CACNA2D4: variants seen among roughly 807,000 people sequenced by gnomAD.
CACNA2D4 encodes voltage-dependent calcium channel subunit alpha-2/delta-4.
In CACNA2D4, 157 loss-of-function variants were observed where a neutral mutation model predicts 163.8. The observed-to-expected ratio is 0.96, with a 90% CI of 0.84 to 1.09. CACNA2D4 has a LOEUF of 1.09. CACNA2D4 is among the 50% of genes least tolerant of loss of function. CACNA2D4 has a pLI of 0.00. For synonymous variants in CACNA2D4, 598 were observed against 586.9 expected, an observed-to-expected ratio of 1.02 and a Z score of -0.27; for missense variants, 1,410 against 1,479.9, an observed-to-expected ratio of 0.95 and a Z score of 0.78.
chr12:1,897,584 C>T (rs1388767375), intron 6 of CACNA2D4, among the ~76,000 whole-genome samples: 1 of 152,106 alleles, frequency 6.6e-6, no homozygotes, highest in Non-Finnish European at 1.5e-5. Flanking sequence ...ATATGCTTAA[C>T]TTGCTAACTA....
Position 1,882,915 on chromosome 12 carries a change from G to A in CACNA2D4, c.1437C>T (p.Ile479=), listed in dbSNP as rs753329230. ...TCCAGATGATGTCGTGGTCGTGGTT[G>A]ATGACCATGGGGCGGCTGAGCACGT... The part of the protein sequence containing the change: ...YLHVLSRPMV[I]NHDHDIIWTE... The change falls in exon 13 of 38, where the codon ATC becomes ATT. Residue 479 remains isoleucine (I), a synonymous_variant. Coordinates refer to ENST00000382722, the MANE Select transcript of CACNA2D4 (RefSeq NM_172364.5). The A allele has an allele frequency of 6.2e-6, 10 of 1,613,764 alleles. No individual in the cohort carries two copies. The highest frequency in any genetic ancestry group is 4.0e-5 in the African/African-American group (3 of 75,050).
At chr12:1,911,359 A>T (rs1476490169) in intron 3 of CACNA2D4, among the ~76,000 whole-genome samples, 11 of 152,020 alleles carry the variant, frequency 7.2e-5, no homozygotes, top group African/African-American at 2.4e-4. Flanking sequence ...AGCATCGCAG[A>T]GTGTCAGGGG....
Position 1,793,541 on chromosome 12 carries a change from G to A in CACNA2D4, c.*114C>T, listed in dbSNP as rs1863032365. 3 of 849,616 alleles carry A rather than the reference G, an allele frequency of 3.5e-6. No homozygotes were observed. The highest frequency in any genetic ancestry group is 2.0e-5 in the Admixed American group (1 of 50,176). 52.6% of individuals were successfully genotyped at this position (849,616 alleles called of 1,614,324 possible). Reference sequence around the variant, plus strand: ...GGCCACCAGCCCAGGATTGAGAGGAGCGTTGGCCTGGGGGCGACCCAACTG... The same window carrying A: ...GGCCACCAGCCCAGGATTGAGAGGAACGTTGGCCTGGGGGCGACCCAACTG... On this transcript the variant is annotated 3_prime_UTR_variant, in exon 38 of 38. Transcript: ENST00000382722.
At chr12:1,847,652 C>T (rs564971026) in intron 23 of CACNA2D4, among the ~76,000 whole-genome samples, 171 of 152,216 alleles carry the variant, frequency 1.1e-3, no homozygotes, top group Non-Finnish European at 1.9e-3. Context: ...GCCTAAGCTC[C>T]CCTAAAGCTT....
chr12:1,855,950 C>T (rs1353891888), intron 22 of CACNA2D4, 62 bp downstream of exon 22: 12 of 1,329,676 alleles, frequency 9.0e-6, no homozygotes, highest in Non-Finnish European at 1.3e-5. Context: ...CCTCTCCTGG[C>T]AAAGTCCTGA....
rs146752598 is a variant in CACNA2D4 at position 1,840,774 on chromosome 12, G to T, written c.2516C>A (p.Ala839Glu). The T allele has an allele frequency of 6.2e-7, 1 of 1,613,888 alleles. No homozygotes were observed. Among genetic ancestry groups the T allele is most frequent in the Non-Finnish European group, 8.5e-7 (1 of 1,179,876 alleles). The stretch of plus-strand genomic sequence containing the variant: ...GGCTGTCCTCTTGTCCACGGTCACC[G>T]CCACAGCTGTGCTTGCCGTCACCAC... ...PMVVTASTAV[A>E]VTVDKRTAIA... The change falls in exon 26 of 38, where the codon GCG (alanine) becomes GAG (glutamate). Residue 839 changes from alanine to glutamate, a missense_variant. Coordinates refer to ENST00000382722, the MANE Select transcript of CACNA2D4 (RefSeq NM_172364.5).
In CACNA2D4 at chr12:1,912,932, G is replaced by T. The variant is rs190258399; in HGVS notation, c.426+91C>A. The T allele has an allele frequency of 9.3e-6, 7 of 751,030 alleles. No homozygotes were observed. In the East Asian group the frequency reaches 1.6e-4, roughly 17 times the overall value. 46.5% of individuals were successfully genotyped at this position (751,030 alleles called of 1,614,324 possible). ...GATAGGAGAGGGTCACGAGGGGGGA[G>T]GATGCAGGGCCATGACATCGGGAGG... On this transcript the variant is annotated intron_variant, in intron 3 of 37. Coordinates refer to ENST00000382722, the MANE Select transcript of CACNA2D4 (RefSeq NM_172364.5).
chr12:1,829,185 G>C lies in CACNA2D4; in HGVS notation c.2551+11554C>G, dbSNP rs182640073. Among the ~76,000 whole-genome samples the C allele has an allele frequency of 5.9e-5, 9 of 152,168 alleles. No homozygotes were observed. The highest frequency in any genetic ancestry group is 6.5e-5 in the Admixed American group (1 of 15,288). ...AGGGAGGTGGGGGGCGCAGGGAGTC[G>C]CTCTTCCGCAGCGGCTCTCTTAGCC... is the stretch of plus-strand genomic sequence containing the variant. On this transcript the variant is annotated intron_variant, in intron 26 of 37. Coordinates refer to ENST00000382722, the MANE Select transcript of CACNA2D4 (RefSeq NM_172364.5). This position sits in a 1 kb window ranked among gnomAD's most constrained non-coding sequence, Gnocchi z 4.2.
intron 6 of CACNA2D4, among the ~76,000 whole-genome samples, chr12:1,893,026 GA>G (rs1866323072): frequency 1.3e-5 from 2 of 152,258 alleles, no homozygotes; most frequent in African/African-American, 4.8e-5. Flanking sequence ...GGGAGAGACA[GA>G]CTCCAATACA....
Position 1,834,434 on chromosome 12 carries a change from C to T in CACNA2D4, c.2551+6305G>A, listed in dbSNP as rs1249337592. 12 of 1,612,506 alleles carry T rather than the reference C, an allele frequency of 7.4e-6. No individual in the cohort carries two copies. Among genetic ancestry groups the T allele is most frequent in the Admixed American group, 1.7e-5 (1 of 59,996 alleles). On this transcript the variant is annotated intron_variant, in intron 26 of 37. Coordinates refer to ENST00000382722, the MANE Select transcript of CACNA2D4 (RefSeq NM_172364.5). This position sits in a 1 kb window ranked among gnomAD's most constrained non-coding sequence, Gnocchi z 7.6. ...ACCCTGCACCAAGGCCAGTCCAGAG[C>T]CTGCTAAGCCCAAGCCCGGGGCTGA... is the stretch of plus-strand genomic sequence containing the variant.
intron 23 of CACNA2D4, among the ~76,000 whole-genome samples, chr12:1,851,817 A>G (rs947942903): frequency 4.6e-5 from 7 of 151,706 alleles, no homozygotes; most frequent in Non-Finnish European, 7.4e-5. Context: ...GGGAGGATTA[A>G]TATCTTTATG....
At chr12:1,876,632 G>A (rs1310108801) in intron 16 of CACNA2D4, among the ~76,000 whole-genome samples, 2 of 152,158 alleles carry the variant, frequency 1.3e-5, no homozygotes, top group Non-Finnish European at 2.9e-5. Context: ...TTTTTTCGGG[G>A]AAGTGTCGTG....
Position 1,810,284 on chromosome 12 carries a change from G to A in CACNA2D4, c.2715C>T (p.Ser905=), listed in dbSNP as rs766544774. 4 of 1,613,482 alleles carry A rather than the reference G, an allele frequency of 2.5e-6. No homozygotes were observed. In the South Asian group the frequency reaches 4.4e-5, roughly 18 times the overall value. Residue 905 remains serine, a synonymous_variant, in exon 29 of 38, where the codon TCC becomes TCT. Transcript: ENST00000382722. ...TATATCCCCAGTGACTCACCTCTCG[G>A]GACCTCTTGGAGATCAGAATGAACC... ...NNGFILISKR[S]RETGRFLGEV...
chr12:1,915,217 G>A (rs756053748), intron 1 of CACNA2D4: 1 of 702,516 alleles, frequency 1.4e-6, no homozygotes, highest in Admixed American at 2.0e-5. Context: ...TGTCCCTAAA[G>A]CTACAGCCAT....
intron 37 of CACNA2D4, among the ~76,000 whole-genome samples, chr12:1,794,195 C>T (rs373063316): frequency 7.9e-5 from 12 of 152,256 alleles, no homozygotes; most frequent in African/African-American, 2.6e-4. Context: ...CTAAGTGTAG[C>T]GGGAATGAGG....
rs759939564 is a variant in CACNA2D4 at position 1,913,034 on chromosome 12, C to T, written c.415G>A (p.Glu139Lys). 41 of 1,611,970 alleles carry T rather than the reference C, an allele frequency of 2.5e-5. No individual in the cohort carries two copies. Among genetic ancestry groups the T allele is most frequent in the East Asian group, 4.5e-5 (2 of 44,868 alleles). ...DMENMLRRKVEAVQNLVEAAE... is the reference protein window; with the variant it reads ...DMENMLRRKVKAVQNLVEAAE... ...CAGGCCTGGAGTACCTGGACCGCCT[C>T]GACTTTCCTCCGCAGCATGTTCTCC... Residue 139 changes from glutamate (E) to lysine (K), a missense_variant, in exon 3 of 38, where the codon GAG becomes AAG. Transcript: ENST00000382722.
intron 29 of CACNA2D4, among the ~76,000 whole-genome samples, chr12:1,803,145 C>T (rs1863396261): frequency 6.6e-6 from 1 of 152,214 alleles, no homozygotes; most frequent in Non-Finnish European, 1.5e-5. Context: ...TGGGCCTGGC[C>T]AATCTCAAGG....
chr12:1,810,864 G>A (rs1361192869), intron 27 of CACNA2D4, among the ~76,000 whole-genome samples: 1 of 152,194 alleles, frequency 6.6e-6, no homozygotes, highest in African/African-American at 2.4e-5. Context: ...AGCATTGTGT[G>A]CGTGGTATGC....
intron 18 of CACNA2D4, among the ~76,000 whole-genome samples, chr12:1,871,983 G>C (rs1865797826): frequency 1.3e-5 from 2 of 152,248 alleles, no homozygotes; most frequent in African/African-American, 4.8e-5. Context: ...TTGTGTCTGA[G>C]GGTGTCTGGC....
Sources: gnomAD v4.1 joint callset for allele counts (sites outside exome capture counted in the v4.1 genomes callset) on GRCh38, gnomAD v4.1.1 for gene constraint, Gnocchi (gnomAD v3.1) non-coding constraint, MANE v1.5 for transcripts, NCBI Gene and HGNC (gene_info 2026-07-23, HGNC 2026-07-21) for gene names.